Variants in MET observed in about 807,000 individuals in gnomAD.
MET encodes hepatocyte growth factor receptor.
A neutral mutation model predicts 133.1 loss-of-function variants in MET; 48 were observed. The observed-to-expected ratio is 0.36, with a 90% confidence interval of 0.29 to 0.46. The LOEUF (loss-of-function observed/expected upper bound fraction) is 0.46, where lower values mean the gene tolerates loss of function less well. Ranked by LOEUF, MET falls within the 20% of genes least tolerant of loss-of-function variation. MET has a pLI of 1.00. For missense variants in MET, 1,442 were observed against 1,695.9 expected (o/e 0.85, Z 2.63); for synonymous variants, 628 against 616.5 (o/e 1.02, Z -0.28).
intron 11 of MET, among the ~76,000 whole-genome samples, chr7:116,764,124 C>CTATGTAATAATAAGTTT (rs1411809982): frequency 6.4e-4 from 98 of 152,260 alleles, no homozygotes; most frequent in African/African-American, 2.2e-3. Flanking sequence ...TTTCATGGGT[C>CTATGTAATAATAAGTTT]ATCTCCATCT....
chr7:116,721,421 T>A (rs967224872), intron 2 of MET, among the ~76,000 whole-genome samples: 1 of 152,184 alleles, frequency 6.6e-6, no homozygotes, highest in Admixed American at 6.5e-5. Context: ...ATTTTGTTGA[T>A]CCTTTCAAAA....
chr7:116,714,060 A>G (rs938542753), intron 2 of MET, among the ~76,000 whole-genome samples: 15 of 152,174 alleles, frequency 9.9e-5, no homozygotes, highest in Non-Finnish European at 1.8e-4. Context: ...AAGCATTAAA[A>G]CCTTCCTAAC....
intron 5 of MET, among the ~76,000 whole-genome samples, chr7:116,750,467 A>G (rs1288625626): frequency 6.6e-6 from 1 of 152,250 alleles, no homozygotes; most frequent in Non-Finnish European, 1.5e-5. Context: ...AAGACCTAAA[A>G]ACCATAAAAA....
chr7:116,703,789 C>T (rs1052134793), intron 2 of MET, among the ~76,000 whole-genome samples: 11 of 152,042 alleles, frequency 7.2e-5, no homozygotes, highest in Non-Finnish European at 1.3e-4. Flanking sequence ...CAGCAAAGAT[C>T]CTGTTCCCTA....
At chr7:116,710,638 T>C (rs1246364158) in intron 2 of MET, among the ~76,000 whole-genome samples, 6 of 151,908 alleles carry the variant, frequency 3.9e-5, no homozygotes, top group Non-Finnish European at 7.4e-5. Context: ...GCGGCACAGT[T>C]ACAGATCACA....
chr7:116,771,389 G>C (rs1794825610), intron 12 of MET, 109 bp from the exon 13 acceptor site: 2 of 1,261,910 alleles, frequency 1.6e-6, no homozygotes, highest in African/African-American at 2.9e-5. Context: ...TATGCCATTT[G>C]TAGAATGGTA....
chr7:116,690,063 G>A (rs2116530803), intron 1 of MET, among the ~76,000 whole-genome samples: 1 of 152,172 alleles, frequency 6.6e-6, no homozygotes, highest in South Asian at 2.1e-4. Flanking sequence ...TTAGATGAGA[G>A]GACTAAAGTG....
chr7:116,777,515 CA>C, intron 16 of MET, 46 bp downstream of exon 16: 1 of 1,534,450 alleles, frequency 6.5e-7, no homozygotes, highest in Non-Finnish European at 9.0e-7. Context: ...TTGTGGTTTG[CA>C]ACCTAATAAA....
intron 11 of MET, 100 bp downstream of exon 11, chr7:116,763,368 T>C (rs1331381396): frequency 9.7e-7 from 1 of 1,031,340 alleles, no homozygotes; most frequent in Non-Finnish European, 1.5e-6. Flanking sequence ...TTGTATCTTA[T>C]ACAACACCAG....
At chr7:116,685,601 G>A (rs1288173120) in intron 1 of MET, among the ~76,000 whole-genome samples, 2 of 152,024 alleles carry the variant, frequency 1.3e-5, no homozygotes, top group East Asian at 1.9e-4. Flanking sequence ...CAGGAGAATC[G>A]CTTGAACTTG....
intron 1 of MET, among the ~76,000 whole-genome samples, chr7:116,689,155 GAA>G (rs1796683344): frequency 6.6e-6 from 1 of 152,096 alleles, no homozygotes; most frequent in Non-Finnish European, 1.5e-5. Flanking sequence ...CTATAGAGGG[GAA>G]AAAGTTTCTT....
chr7:116,797,672 G>A lies in MET; in HGVS notation c.*1548G>A, dbSNP rs1795718218. 1 of 226,140 alleles carries A rather than the reference G, an allele frequency of 4.4e-6. No individual in the cohort carries two copies. Among genetic ancestry groups the A allele is most frequent in the Non-Finnish European group, 8.8e-6 (1 of 113,508 alleles). The allele number at this position is 226,140 out of a possible 1,614,324, so 14.0% of individuals were successfully genotyped here. On this transcript the variant is annotated 3_prime_UTR_variant, in exon 21 of 21. Coordinates refer to ENST00000397752, the MANE Select transcript of MET (RefSeq NM_000245.4). ...AATGATATGAGAAAAATTTTGTTAG[G>A]CCACAAAAACACTGCACTGTGAACA...
chr7:116,771,407 G>A, intron 12 of MET, 91 bp from the exon 13 acceptor site: 1 of 1,429,054 alleles, frequency 7.0e-7, no homozygotes, highest in South Asian at 1.2e-5. Context: ...GTAATAACCA[G>A]TTGGTATTTG....
rs565602135 is a variant in MET at position 116,747,984 on chromosome 7, G to A, written c.1701+6959G>A. Among the ~76,000 whole-genome samples, 22 of 152,334 alleles carry A rather than the reference G, an allele frequency of 1.4e-4. No individual in the cohort carries two copies. The East Asian group carries it at 2.3e-3, about 16-fold the overall frequency. Reference sequence around the variant, plus strand: ...CTTAAGGCCGGGTGCAGTGGCTTACGCCTGTAATCCCAGCACTTTGGGAGG... The same window carrying A: ...CTTAAGGCCGGGTGCAGTGGCTTACACCTGTAATCCCAGCACTTTGGGAGG... On this transcript the variant is annotated intron_variant, in intron 5 of 20. Transcript: ENST00000397752.
rs1432416607 is a variant in MET at position 116,739,985 on chromosome 7, T to C, written c.1428T>C (p.His476=). The change falls in exon 4 of 21, where the codon CAT becomes CAC. Residue 476 remains histidine (H), a synonymous_variant. Coordinates refer to ENST00000397752, the MANE Select transcript of MET (RefSeq NM_000245.4). ...VVSRSGPSTP[H]VNFLLDSHPV... is the part of the protein sequence containing the mutation. The stretch of plus-strand genomic sequence containing the variant: ...CTCGATCAGGACCATCAACCCCTCA[T>C]GTGAATTTTCTCCTGGACTCCCATC... 1 of 1,614,170 alleles carries C rather than the reference T, an allele frequency of 6.2e-7. No individual in the cohort carries two copies. Among genetic ancestry groups the C allele is most frequent in the Non-Finnish European group, 8.5e-7 (1 of 1,180,002 alleles).
chr7:116,730,371 A>G (rs1792955431), intron 2 of MET, among the ~76,000 whole-genome samples: 1 of 152,148 alleles, frequency 6.6e-6, no homozygotes, highest in Non-Finnish European at 1.5e-5. Context: ...AGTCCATGTT[A>G]AAAAAATGTT....
intron 2 of MET, among the ~76,000 whole-genome samples, chr7:116,719,781 T>C (rs1193687414): frequency 1.3e-5 from 2 of 151,956 alleles, no homozygotes; most frequent in African/African-American, 4.8e-5. Flanking sequence ...CTCAGGTTTG[T>C]CAAAGATCAG....
At position 116,796,176 on chromosome 7, in the gene MET, ACTGC is replaced by A. The variant is rs1212950991; in HGVS notation, c.*56_*59del. 1 of 1,538,490 alleles carries A rather than the reference ACTGC, an allele frequency of 6.5e-7. No homozygotes were observed. Among genetic ancestry groups the A allele is most frequent in the Non-Finnish European group, 9.0e-7 (1 of 1,114,666 alleles). ...CCACACTTTGTCCAATGGTTTTTTC[ACTGC>A]CTGACCTTTAAAAGGCCATCGATAT... On this transcript the variant is annotated 3_prime_UTR_variant, in exon 21 of 21. Coordinates refer to ENST00000397752, the MANE Select transcript of MET (RefSeq NM_000245.4).
chr7:116,762,291 C>T lies in MET; in HGVS notation c.2365-759C>T, dbSNP rs533503139. Among the ~76,000 whole-genome samples the T allele has an allele frequency of 2.6e-5, 4 of 152,240 alleles. No homozygotes were observed. The East Asian group carries it at 5.8e-4, about 22-fold the overall frequency. On this transcript the variant is annotated intron_variant, in intron 10 of 20. Transcript: ENST00000397752. ...GAGTTAATGGCCTAGGATTTATATT[C>T]GCTATTCTGCCACTCCAAGCTGTGT...
Sources: gnomAD v4.1 joint callset for allele counts (sites outside exome capture counted in the v4.1 genomes callset) on GRCh38, gnomAD v4.1.1 for gene constraint, MANE v1.5 for transcripts, NCBI Gene and HGNC (gene_info 2026-07-23, HGNC 2026-07-21) for gene names.